ZHX2: variants seen among roughly 807,000 people sequenced by gnomAD.
ZHX2 encodes zinc fingers and homeoboxes 2.
ZHX2 carries 6 observed loss-of-function variants against 21.9 expected under a neutral mutation model. The ratio of observed to expected loss-of-function variants is 0.27; its 90% CI spans 0.15 to 0.54. ZHX2 has a LOEUF of 0.54. Ranked by LOEUF, ZHX2 falls within the 20% of genes least tolerant of loss-of-function variation. ZHX2 has a pLI of 0.95. For missense variants in ZHX2, 908 were observed against 1,090.7 expected (o/e 0.83, Z 2.36); for synonymous variants, 434 against 437.1 (o/e 0.99, Z 0.09).
chr8:122,948,336 C>T lies in ZHX2; in HGVS notation c.-219-2956C>T, dbSNP rs533846253. Among the ~76,000 whole-genome samples, 13 of 152,258 alleles carry T rather than the reference C, an allele frequency of 8.5e-5. No individual in the cohort carries two copies. In the South Asian group the frequency reaches 1.2e-3, roughly 15 times the overall value. On this transcript the variant is annotated intron_variant, in intron 2 of 3. Coordinates refer to ENST00000314393, the MANE Select transcript of ZHX2 (RefSeq NM_014943.5). Reference sequence around the variant, plus strand: ...GAAGTCGGGGATCTTTGCTTCAAAACATGTCTCCCACCTCCTTTAGCCCAT... The same window carrying T: ...GAAGTCGGGGATCTTTGCTTCAAAATATGTCTCCCACCTCCTTTAGCCCAT...
chr8:122,791,631 G>A (rs969062102), intron 1 of ZHX2, among the ~76,000 whole-genome samples: 9 of 152,162 alleles, frequency 5.9e-5, no homozygotes, highest in South Asian at 2.1e-4. Flanking sequence ...TTGGGAGGCC[G>A]AGGCCGGTAG....
intron 2 of ZHX2, among the ~76,000 whole-genome samples, chr8:122,919,232 G>T (rs1386150126): frequency 6.6e-6 from 1 of 152,176 alleles, no homozygotes; most frequent in Non-Finnish European, 1.5e-5. Flanking sequence ...TCAATGGTTA[G>T]CTCCTTGAGG....
At chr8:122,867,947 T>C (rs1312682835) in intron 2 of ZHX2, among the ~76,000 whole-genome samples, 1 of 152,238 alleles carries the variant, frequency 6.6e-6, no homozygotes, top group Non-Finnish European at 1.5e-5. Context: ...CTCTTCCTTT[T>C]TATTGCTGAT....
chr8:122,896,385 T>G (rs1820101860), intron 2 of ZHX2, among the ~76,000 whole-genome samples: 1 of 152,216 alleles, frequency 6.6e-6, no homozygotes, highest in Non-Finnish European at 1.5e-5. Flanking sequence ...AGCAGGATAA[T>G]GAACATAAAA....
chr8:122,801,469 C>T (rs1156330864), intron 1 of ZHX2, among the ~76,000 whole-genome samples: 2 of 151,786 alleles, frequency 1.3e-5, no homozygotes, highest in East Asian at 1.9e-4. Context: ...TTAAGGGGCC[C>T]GACACGGTGG....
chr8:122,835,215 T>C (rs1275033375), intron 1 of ZHX2, among the ~76,000 whole-genome samples: 1 of 152,252 alleles, frequency 6.6e-6, no homozygotes, highest in Non-Finnish European at 1.5e-5. Context: ...ACATGAACTC[T>C]AACAATACCT....
In ZHX2 at chr8:122,820,817, T is replaced by C. The variant is rs544441173; in HGVS notation, c.-283+38871T>C. On this transcript the variant is annotated intron_variant, in intron 1 of 3. Transcript: ENST00000314393. ...ATCAGCTGTCTCCGAATATTAAAGG[T>C]GTCTCTCTGGTTCCGAAAGGTCAGC... Among the ~76,000 whole-genome samples, 135 of 152,286 alleles carry C rather than the reference T, an allele frequency of 8.9e-4. 1 individual carries two copies. The highest frequency in any genetic ancestry group is 2.1e-4 in the Non-Finnish European group (14 of 68,026).
intron 1 of ZHX2, among the ~76,000 whole-genome samples, chr8:122,841,088 T>C (rs1490155526): frequency 3.9e-5 from 6 of 152,180 alleles, no homozygotes; most frequent in African/African-American, 1.4e-4. Context: ...TTGGTTCTTG[T>C]CTTTCTTTCG....
chr8:122,942,272 C>G (rs915988018), intron 2 of ZHX2, among the ~76,000 whole-genome samples: 3 of 151,688 alleles, frequency 2.0e-5, no homozygotes, highest in South Asian at 2.1e-4. Flanking sequence ...TGCTCCCACC[C>G]CCTCAAAAAA....
In ZHX2 at chr8:122,790,951, A is replaced by G. The variant is rs375785210; in HGVS notation, c.-283+9005A>G. On this transcript the variant is annotated intron_variant, in intron 1 of 3. Transcript: ENST00000314393. ...ATCCCCATTTAACAGACAAGAAAGT[A>G]CAAAGTGGGGAAGTCCTTTATCCAA... Among the ~76,000 whole-genome samples the G allele has an allele frequency of 3.9e-5, 6 of 152,206 alleles. No individual in the cohort carries two copies. The South Asian group carries it at 1.2e-3, about 32-fold the overall frequency.
In ZHX2 at chr8:122,806,220, G is replaced by T. The variant is rs1015028791; in HGVS notation, c.-283+24274G>T. Among the ~76,000 whole-genome samples, 4 of 152,328 alleles carry T rather than the reference G, an allele frequency of 2.6e-5. No homozygotes were observed. In the East Asian group the frequency reaches 7.7e-4, roughly 29 times the overall value. ...AAGCTCAGCCTGAATCTGAAACTCAGCTTAACTACTTCCTAATTGTGGGGC... is the reference window on the plus strand; with the variant it reads ...AAGCTCAGCCTGAATCTGAAACTCATCTTAACTACTTCCTAATTGTGGGGC... On this transcript the variant is annotated intron_variant, in intron 1 of 3. Coordinates refer to ENST00000314393, the MANE Select transcript of ZHX2 (RefSeq NM_014943.5).
intron 1 of ZHX2, among the ~76,000 whole-genome samples, chr8:122,794,803 A>G (rs1371098807): frequency 6.6e-6 from 1 of 152,128 alleles, no homozygotes; most frequent in Non-Finnish European, 1.5e-5. Flanking sequence ...CTCCCCTTTC[A>G]TTCTTTCTCT....
intron 1 of ZHX2, among the ~76,000 whole-genome samples, chr8:122,856,451 T>C (rs1432597135): frequency 1.3e-5 from 2 of 152,046 alleles, no homozygotes; most frequent in Non-Finnish European, 2.9e-5. Context: ...CTCCTTACTG[T>C]TGTTTATTTT....
intron 1 of ZHX2, chr8:122,816,418 G>A (rs1426611892): frequency 6.7e-6 from 1 of 150,222 alleles, no homozygotes; most frequent in African/African-American, 2.5e-5. Context: ...AAGTATGCCT[G>A]TAATAATAAA....
At chr8:122,809,749 AG>A (rs1472941039) in intron 1 of ZHX2, among the ~76,000 whole-genome samples, 1 of 152,154 alleles carries the variant, frequency 6.6e-6, no homozygotes, top group Admixed American at 6.5e-5. Flanking sequence ...GGCAGAAGTG[AG>A]TTCGAATCAT....
intron 1 of ZHX2, among the ~76,000 whole-genome samples, chr8:122,812,837 G>A (rs1464494672): frequency 6.6e-6 from 1 of 152,172 alleles, no homozygotes; most frequent in East Asian, 1.9e-4. Context: ...TGCTTCCCAT[G>A]TGCCTGGCCC....
At chr8:122,820,249 GC>G (rs1818115054) in intron 1 of ZHX2, among the ~76,000 whole-genome samples, 1 of 152,198 alleles carries the variant, frequency 6.6e-6, no homozygotes, top group Admixed American at 6.5e-5. Context: ...TGTGGGGCTG[GC>G]TGTGGCCTCC....
chr8:122,952,921 C>T lies in ZHX2; in HGVS notation c.1411C>T (p.Arg471Trp). The T allele has an allele frequency of 6.2e-7, 1 of 1,614,128 alleles. No individual in the cohort carries two copies. Among genetic ancestry groups the T allele is most frequent in the South Asian group, 1.1e-5 (1 of 91,082 alleles). Residue 471 changes from arginine to tryptophan, a missense_variant, in exon 3 of 4, where the codon CGG becomes TGG. Transcript: ENST00000314393. The surrounding 1 kb of genome is among the most constrained non-coding windows in gnomAD (Gnocchi z 6.9). ...SQFPDDAEVYRLIEVTGLARS... is the reference protein window; with the variant it reads ...SQFPDDAEVYWLIEVTGLARS... Reference sequence around the variant, plus strand: ...GTTCCCTGACGATGCCGAGGTTTACCGGCTCATCGAGGTGACTGGCCTTGC... The same window carrying T: ...GTTCCCTGACGATGCCGAGGTTTACTGGCTCATCGAGGTGACTGGCCTTGC...
At chr8:122,815,586 GC>G (rs1366667291) in intron 1 of ZHX2, 1 of 159,608 alleles carries the variant, frequency 6.3e-6, no homozygotes, top group African/African-American at 2.4e-5. Flanking sequence ...TGGTGAAGAT[GC>G]TGTGAACATT....
Sources: gnomAD v4.1 joint callset for allele counts (sites outside exome capture counted in the v4.1 genomes callset) on GRCh38, gnomAD v4.1.1 for gene constraint, Gnocchi (gnomAD v3.1) non-coding constraint, MANE v1.5 for transcripts, NCBI Gene and HGNC (gene_info 2026-07-23, HGNC 2026-07-21) for gene names.